The following ANKIB1 variants were observed in gnomAD, a reference collection of about 807,000 sequenced individuals.
The protein encoded by ANKIB1 is ankyrin repeat and IBR domain-containing protein 1.
Under a neutral mutation model 122.1 loss-of-function variants are expected in ANKIB1, and 43 were observed. The observed-to-expected ratio is 0.35, with a 90% CI of 0.28 to 0.45. The LOEUF is 0.45. Among genes scored for constraint, ANKIB1 ranks in the 20% least tolerant of loss-of-function variants. The probability of loss-of-function intolerance (pLI) is 1.00; values close to 1 mark genes in which losing one functional copy is unlikely to be tolerated. For synonymous variants in ANKIB1, 390 were observed against 442.0 expected (o/e 0.88, Z 1.48); for missense variants, 992 against 1,329.5 (o/e 0.75, Z 3.95).
chr7:92,369,042 G>A (rs1208853725), intron 10 of ANKIB1, among the ~76,000 whole-genome samples: 1 of 152,158 alleles, frequency 6.6e-6, no homozygotes, highest in Admixed American at 6.5e-5. Flanking sequence ...TGTTGATGCT[G>A]AAAGAAGAAG....
At chr7:92,329,045 A>G (rs1585109960) in intron 5 of ANKIB1, among the ~76,000 whole-genome samples, 1 of 148,800 alleles carries the variant, frequency 6.7e-6, no homozygotes, top group South Asian at 2.1e-4. Flanking sequence ...TTGGCTCACT[A>G]CAACCTCTGC....
intron 1 of ANKIB1, among the ~76,000 whole-genome samples, chr7:92,252,329 T>A (rs1283350850): frequency 6.6e-6 from 1 of 152,094 alleles, no homozygotes; most frequent in East Asian, 1.9e-4. Flanking sequence ...TGCCAAATAA[T>A]ATTTTTTCTG....
chr7:92,389,354 G>A, intron 14 of ANKIB1, among the ~76,000 whole-genome samples: 1 of 151,358 alleles, frequency 6.6e-6, no homozygotes, highest in Non-Finnish European at 1.5e-5. Flanking sequence ...TTTTTTGGCA[G>A]TTAAGTGAAA....
chr7:92,389,193 TC>T (rs2115703347), intron 14 of ANKIB1, among the ~76,000 whole-genome samples: 1 of 152,292 alleles, frequency 6.6e-6, no homozygotes, highest in Non-Finnish European at 1.5e-5. Flanking sequence ...CACACATTTC[TC>T]ACATAAGTCA....
At chr7:92,322,758 A>G (rs2131952550) in intron 4 of ANKIB1, among the ~76,000 whole-genome samples, 1 of 152,242 alleles carries the variant, frequency 6.6e-6, no homozygotes, top group Non-Finnish European at 1.5e-5. Flanking sequence ...TAATTTATAT[A>G]TTTTTACCTT....
intron 3 of ANKIB1, among the ~76,000 whole-genome samples, chr7:92,310,224 A>G (rs1224795831): frequency 6.6e-6 from 1 of 151,934 alleles, no homozygotes; most frequent in East Asian, 1.9e-4. Flanking sequence ...TGTTTGACCT[A>G]TCAGCATATC....
intron 10 of ANKIB1, among the ~76,000 whole-genome samples, chr7:92,366,965 G>C (rs954895460): frequency 1.3e-5 from 2 of 152,158 alleles, no homozygotes; most frequent in African/African-American, 4.8e-5. Context: ...GGAAGGGGAA[G>C]AAGAATGGCC....
intron 2 of ANKIB1, among the ~76,000 whole-genome samples, chr7:92,296,004 C>T (rs1802347805): frequency 6.6e-6 from 1 of 152,138 alleles, no homozygotes; most frequent in Non-Finnish European, 1.5e-5. Context: ...AAATATAATT[C>T]TAGAACTAGT....
chr7:92,285,803 C>T (rs757007212), intron 1 of ANKIB1, among the ~76,000 whole-genome samples: 2 of 152,198 alleles, frequency 1.3e-5, no homozygotes, highest in African/African-American at 2.4e-5. Flanking sequence ...AATGTTAAAG[C>T]TGAAGCCAGA....
intron 19 of ANKIB1, 51 bp from the exon 20 acceptor site, chr7:92,398,161 T>C (rs919196088): frequency 6.6e-7 from 1 of 1,517,134 alleles, no homozygotes; most frequent in Non-Finnish European, 8.8e-7. Context: ...TTGAGTTAAA[T>C]CAGTTTTTTT....
intron 1 of ANKIB1, among the ~76,000 whole-genome samples, chr7:92,280,158 C>A (rs988562670): frequency 9.2e-5 from 14 of 152,196 alleles, no homozygotes; most frequent in East Asian, 3.8e-4. Context: ...TTTCAGCTTT[C>A]CTGATTGGGA....
chr7:92,354,883 GCTTCTCCTT>G (rs1236071334), intron 9 of ANKIB1, among the ~76,000 whole-genome samples: 1 of 152,194 alleles, frequency 6.6e-6, no homozygotes, highest in Non-Finnish European at 1.5e-5. Context: ...TTCTGGTTTT[GCTTCTCCTT>G]CTTCAAAATC....
chr7:92,326,948 G>A (rs1410035499), intron 4 of ANKIB1, among the ~76,000 whole-genome samples: 2 of 152,154 alleles, frequency 1.3e-5, no homozygotes, highest in African/African-American at 2.4e-5. Context: ...TAGTAGCTGA[G>A]ACTATGGGCA....
intron 17 of ANKIB1, among the ~76,000 whole-genome samples, chr7:92,395,538 CTTTT>C (rs35028119): frequency 9.2e-6 from 1 of 108,258 alleles, no homozygotes; most frequent in Non-Finnish European, 1.9e-5. Flanking sequence ...ATCCCAGTCA[CTTTT>C]TTTTTTTTTT....
At chr7:92,250,725 A>T (rs914156187) in intron 1 of ANKIB1, among the ~76,000 whole-genome samples, 2 of 152,226 alleles carry the variant, frequency 1.3e-5, no homozygotes, top group Admixed American at 1.3e-4. Context: ...CAGATTTGAA[A>T]ATTATCATGC....
intron 11 of ANKIB1, among the ~76,000 whole-genome samples, chr7:92,380,522 G>A (rs1055349985): frequency 6.6e-6 from 1 of 152,174 alleles, no homozygotes; most frequent in Non-Finnish European, 1.5e-5. Context: ...GCCCCTCTGA[G>A]ACGAAGATTC....
chr7:92,379,417 G>A (rs538431549), intron 11 of ANKIB1, among the ~76,000 whole-genome samples: 42 of 152,206 alleles, frequency 2.8e-4, no homozygotes, highest in East Asian at 1.2e-3. Context: ...GAAGTTATAC[G>A]GCGGGATTAA....
In ANKIB1 at chr7:92,350,016, AAAAG is replaced by A. The variant is rs1005926790; in HGVS notation, c.1086-926_1086-923del. On this transcript the variant is annotated intron_variant, in intron 7 of 19. Transcript: ENST00000265742. ...GAGAGACCCCATCTTAAAAAAAAAA[AAAAG>A]AAAGAAAAGGAAAGAAAAAAAAGAA... 1.1e-4 allele frequency among the ~76,000 whole-genome samples: 16 copies of A among 151,778 alleles called. No individual in the cohort carries two copies. The East Asian group carries it at 2.1e-3, about 20-fold the overall frequency.
At chr7:92,269,545 C>T (rs1035260476) in intron 1 of ANKIB1, among the ~76,000 whole-genome samples, 1 of 152,138 alleles carries the variant, frequency 6.6e-6, no homozygotes, top group Non-Finnish European at 1.5e-5. Flanking sequence ...TAAGAAAGCT[C>T]TGTAAGGAAA....
Sources: allele counts gnomAD v4.1 joint callset (sites outside exome capture counted in the v4.1 genomes callset), GRCh38; gene constraint gnomAD v4.1.1; transcripts MANE v1.5; gene names NCBI Gene and HGNC (gene_info 2026-07-23, HGNC 2026-07-21).